Variants in FREM2 observed in about 807,000 individuals in gnomAD.
FREM2 encodes the protein FRAS1 related extracellular matrix 2, also known as FRAS1-related extracellular matrix protein 2.
A neutral mutation model predicts 219.9 loss-of-function variants in FREM2; 119 were observed. The ratio of observed to expected loss-of-function variants is 0.54; its 90% CI spans 0.47 to 0.63. FREM2 has a LOEUF of 0.63. Among genes scored for constraint, FREM2 ranks in the 30% least tolerant of loss-of-function variants. The pLI is 0.00. For missense variants in FREM2, 4,030 were observed against 3,993.6 expected (o/e 1.01, Z -0.25); for synonymous variants, 1,562 against 1,522.8 (o/e 1.03, Z -0.60).
intron 2 of FREM2, among the ~76,000 whole-genome samples, chr13:38,731,473 G>C (rs1871764917): frequency 6.6e-6 from 1 of 152,048 alleles, no homozygotes; most frequent in Non-Finnish European, 1.5e-5. Flanking sequence ...AAGAAATTAG[G>C]TAACAATATA....
intron 2 of FREM2, among the ~76,000 whole-genome samples, chr13:38,702,905 T>C (rs1566110429): frequency 6.6e-6 from 1 of 152,140 alleles, no homozygotes; most frequent in African/African-American, 2.4e-5. Context: ...TGCTGCTGTC[T>C]TTGATTATGC....
intron 2 of FREM2, among the ~76,000 whole-genome samples, chr13:38,748,606 C>T (rs1872577256): frequency 1.3e-5 from 2 of 152,180 alleles, no homozygotes; most frequent in African/African-American, 4.8e-5. Context: ...GCTGTGTGCT[C>T]CAATCCCTTC....
chr13:38,736,087 A>G (rs777553288), intron 2 of FREM2, among the ~76,000 whole-genome samples: 1 of 152,212 alleles, frequency 6.6e-6, no homozygotes. Context: ...CCCTAGACCT[A>G]GTAGCACAGT....
chr13:38,839,771 T>C (rs540620946), intron 6 of FREM2, among the ~76,000 whole-genome samples: 10 of 152,234 alleles, frequency 6.6e-5, no homozygotes, highest in African/African-American at 2.4e-4. Flanking sequence ...GAAAACCGCC[T>C]ACTCAAGCCT....
At chr13:38,728,067 G>C (rs966976649) in intron 2 of FREM2, among the ~76,000 whole-genome samples, 1 of 152,114 alleles carries the variant, frequency 6.6e-6, no homozygotes, top group African/African-American at 2.4e-5. Flanking sequence ...AGACATTTAG[G>C]ATATATTTAG....
At chr13:38,797,287 A>G (rs1874830632) in intron 6 of FREM2, among the ~76,000 whole-genome samples, 1 of 151,918 alleles carries the variant, frequency 6.6e-6, no homozygotes, top group African/African-American at 2.4e-5. Context: ...TCTTTTTAAT[A>G]TTAGCCAGTC....
intron 2 of FREM2, among the ~76,000 whole-genome samples, chr13:38,716,355 A>G (rs1236218003): frequency 6.6e-6 from 1 of 152,168 alleles, no homozygotes; most frequent in Non-Finnish European, 1.5e-5. Flanking sequence ...GCCTGCATCC[A>G]GCTTTCCCAC....
chr13:38,778,978 G>T (rs979227699), intron 4 of FREM2, among the ~76,000 whole-genome samples: 4 of 152,132 alleles, frequency 2.6e-5, no homozygotes, highest in Admixed American at 6.5e-5. Context: ...GATACTTGGT[G>T]TATTATTTGT....
chr13:38,716,310 A>G (rs1277369329), intron 2 of FREM2, among the ~76,000 whole-genome samples: 3 of 151,988 alleles, frequency 2.0e-5, no homozygotes, highest in African/African-American at 7.3e-5. Flanking sequence ...TGCTATTTTC[A>G]TTTCAAAATA....
chr13:38,875,210 C>T (rs1878301425), intron 18 of FREM2, among the ~76,000 whole-genome samples: 1 of 151,046 alleles, frequency 6.6e-6, no homozygotes. Context: ...TTATTTGACT[C>T]TCCATATTAC....
chr13:38,873,919 A>C (rs959526071), intron 17 of FREM2, among the ~76,000 whole-genome samples: 1 of 152,154 alleles, frequency 6.6e-6, no homozygotes, highest in Non-Finnish European at 1.5e-5. Flanking sequence ...ATTATTTCAA[A>C]TGTTTTAAGT....
intron 10 of FREM2, among the ~76,000 whole-genome samples, chr13:38,851,430 C>T (rs569752183): frequency 9.2e-5 from 14 of 152,176 alleles, no homozygotes; most frequent in Non-Finnish European, 1.9e-4. Context: ...GTGGCCTGCT[C>T]ATGTGTAATT....
At chr13:38,730,512 T>C (rs753110848) in intron 2 of FREM2, among the ~76,000 whole-genome samples, 22 of 152,188 alleles carry the variant, frequency 1.4e-4, no homozygotes, top group Non-Finnish European at 2.6e-4. Context: ...AGTGTCCCAT[T>C]CTGTGAGGAA....
At chr13:38,869,403 A>G (rs1207840696) in intron 16 of FREM2, among the ~76,000 whole-genome samples, 1 of 152,204 alleles carries the variant, frequency 6.6e-6, no homozygotes, top group Non-Finnish European at 1.5e-5. Flanking sequence ...TGATTTTGCC[A>G]TCTCATTTAT....
intron 6 of FREM2, among the ~76,000 whole-genome samples, chr13:38,802,890 G>A (rs1875074082): frequency 6.6e-6 from 1 of 152,144 alleles, no homozygotes; most frequent in Non-Finnish European, 1.5e-5. Flanking sequence ...CTGGGGGTCT[G>A]TCACTTACCC....
rs767288841 is a variant in FREM2 at position 38,689,508 on chromosome 13, A to G, written c.2164A>G (p.Arg722Gly). 1 of 1,614,038 alleles carries G rather than the reference A, an allele frequency of 6.2e-7. No individual in the cohort carries two copies. The highest frequency in any genetic ancestry group is 2.2e-5 in the East Asian group (1 of 44,858). The change falls in exon 1 of 24, where the codon AGG becomes GGG. Residue 722 changes from arginine to glycine, a missense_variant. By Grantham distance (125) the Arg-to-Gly change is moderately radical. Transcript: ENST00000280481. ...ACAGGAATCCCAGCTCACACCACTG[A>G]GGAAGAAGTGGCTGCGCTACACTGA... is the stretch of plus-strand genomic sequence containing the variant. ...VVQESQLTPL[R>G]KKWLRYTDLD... is the part of the protein sequence containing the mutation.
At chr13:38,800,075 T>C (rs1874952176) in intron 6 of FREM2, among the ~76,000 whole-genome samples, 1 of 152,124 alleles carries the variant, frequency 6.6e-6, no homozygotes, top group Admixed American at 6.5e-5. Flanking sequence ...TTGTTTGTCG[T>C]TGTGGTTTGG....
chr13:38,700,568 G>GATTTTACCTTC (rs1446842162), intron 2 of FREM2, among the ~76,000 whole-genome samples: 1 of 151,822 alleles, frequency 6.6e-6, no homozygotes, highest in East Asian at 1.9e-4. Flanking sequence ...TTTCTTATGC[G>GATTTTACCTTC]ATTTTACCTT....
intron 2 of FREM2, among the ~76,000 whole-genome samples, chr13:38,762,595 A>G (rs1041834292): frequency 2.0e-5 from 3 of 151,898 alleles, no homozygotes; most frequent in African/African-American, 7.3e-5. Context: ...ATGCGCCACC[A>G]TGCCTGGCTA....
Sources: gnomAD v4.1 joint callset for allele counts (sites outside exome capture counted in the v4.1 genomes callset) on GRCh38, gnomAD v4.1.1 for gene constraint, MANE v1.5 for transcripts, NCBI Gene and HGNC (gene_info 2026-07-23, HGNC 2026-07-21) for gene names.